Variants in PCED1B observed in about 807,000 individuals in gnomAD.
PCED1B encodes PC-esterase domain containing 1B, also known as PC-esterase domain-containing protein 1B.
For missense variants in PCED1B, 573 were observed against 573.9 expected (o/e 1.00, Z 0.02); for synonymous variants, 251 against 246.1 (o/e 1.02, Z -0.19).
intron 2 of PCED1B, among the ~76,000 whole-genome samples, chr12:47,148,529 CAA>C (rs1271346937): frequency 1.3e-5 from 2 of 152,182 alleles, no homozygotes; most frequent in Non-Finnish European, 2.9e-5. Context: ...ACATAAGCAG[CAA>C]TTCACCACAG....
At chr12:47,128,246 T>G (rs1939977108) in intron 2 of PCED1B, among the ~76,000 whole-genome samples, 1 of 152,216 alleles carries the variant, frequency 6.6e-6, no homozygotes, top group African/African-American at 2.4e-5. Context: ...ACTTTTTTTT[T>G]CAGTTGTAGA....
chr12:47,236,611 C>T lies in PCED1B; in HGVS notation c.*249C>T, dbSNP rs891821147. On this transcript the variant is annotated 3_prime_UTR_variant, in exon 4 of 4. Transcript: ENST00000546455. Reference sequence around the variant, plus strand: ...TTATTCCTGCCTCCTCACTCCTATTCTCTTTGCCTTTGTGTAAAAATAAAA... The same window carrying T: ...TTATTCCTGCCTCCTCACTCCTATTTTCTTTGCCTTTGTGTAAAAATAAAA... 2.3e-6 allele frequency: 1 copy of T among 427,698 alleles called. No individual in the cohort carries two copies. Among genetic ancestry groups the T allele is most frequent in the Non-Finnish European group, 4.2e-6 (1 of 235,356 alleles). The allele number at this position is 427,698 out of a possible 1,614,324, so 26.5% of individuals were successfully genotyped here.
intron 1 of PCED1B, among the ~76,000 whole-genome samples, chr12:47,090,449 T>C (rs1000722759): frequency 2.6e-5 from 4 of 152,158 alleles, no homozygotes; most frequent in African/African-American, 9.7e-5. Flanking sequence ...ATCCTTCTGA[T>C]GGAATGCAAA....
intron 2 of PCED1B, among the ~76,000 whole-genome samples, chr12:47,176,912 C>T (rs969298583): frequency 5.3e-5 from 8 of 151,300 alleles, no homozygotes; most frequent in African/African-American, 1.9e-4. Flanking sequence ...GTTGAGAGTA[C>T]GATAGGAAGA....
chr12:47,213,836 G>A (rs1943167347), intron 2 of PCED1B, among the ~76,000 whole-genome samples: 1 of 152,138 alleles, frequency 6.6e-6, no homozygotes, highest in Non-Finnish European at 1.5e-5. Flanking sequence ...GTTCTTGAAA[G>A]CAAGAAAATC....
chr12:47,193,978 C>G (rs1300423268), intron 2 of PCED1B, among the ~76,000 whole-genome samples: 2 of 152,210 alleles, frequency 1.3e-5, no homozygotes. Context: ...GCCTACCTCC[C>G]TTGGCTTTGA....
At chr12:47,192,026 A>G (rs1942457075) in intron 2 of PCED1B, among the ~76,000 whole-genome samples, 1 of 151,858 alleles carries the variant, frequency 6.6e-6, no homozygotes, top group South Asian at 2.1e-4. Flanking sequence ...CACCAATTTA[A>G]TTTGCCTCCT....
intron 2 of PCED1B, among the ~76,000 whole-genome samples, chr12:47,121,182 T>A (rs1939663018): frequency 6.6e-6 from 1 of 152,114 alleles, no homozygotes. Context: ...TAAAAATGAG[T>A]GAAAAAATCT....
In PCED1B at chr12:47,079,719, G is replaced by A. The variant is rs1325676482; in HGVS notation, c.-615G>A. 6.6e-6 allele frequency: 1 copy of A among 151,772 alleles called. No individual in the cohort carries two copies. Among genetic ancestry groups the A allele is most frequent in the African/African-American group, 2.4e-5 (1 of 41,412 alleles). 9.4% of individuals were successfully genotyped at this position (151,772 alleles called of 1,614,324 possible). A position where few individuals can be genotyped will look rare whatever the true frequency, so the allele number is the denominator to read the frequency against. On this transcript the variant is annotated 5_prime_UTR_variant, in exon 1 of 4. Transcript: ENST00000546455. The stretch of plus-strand genomic sequence containing the variant: ...CTCTCCCGGGTTCCTCTCATTGCAG[G>A]CTGAAGGTACCGCCTCGGCGCTCTG...
intron 3 of PCED1B, among the ~76,000 whole-genome samples, chr12:47,218,223 G>C (rs916407781): frequency 6.6e-6 from 1 of 152,226 alleles, no homozygotes; most frequent in African/African-American, 2.4e-5. Context: ...AAAACCCCTA[G>C]GTCCGTTGTT....
rs192392936 is a variant in PCED1B at position 47,098,584 on chromosome 12, C to G, written c.-608-5529C>G. Among the ~76,000 whole-genome samples the G allele has an allele frequency of 6.0e-3, 914 of 152,190 alleles. 7 individuals carry two copies. Among genetic ancestry groups the G allele is most frequent in the African/African-American group, 0.02 (845 of 41,532 alleles). On this transcript the variant is annotated intron_variant, in intron 1 of 3. Transcript: ENST00000546455. ...TGCAAGCTCCGCCTTCCGGGTTCAC[C>G]CCATTCTCCTGCCTCAGCATCCCGA... is the stretch of plus-strand genomic sequence containing the variant.
At chr12:47,204,977 C>T (rs1050845566) in intron 2 of PCED1B, among the ~76,000 whole-genome samples, 2 of 152,122 alleles carry the variant, frequency 1.3e-5, no homozygotes, top group Admixed American at 6.5e-5. Flanking sequence ...TTCTCCTTGC[C>T]CACTGCCTAG....
chr12:47,159,604 C>T (rs531434518), intron 2 of PCED1B, among the ~76,000 whole-genome samples: 1 of 151,660 alleles, frequency 6.6e-6, no homozygotes, highest in East Asian at 1.9e-4. Context: ...TACTGTTGAG[C>T]TCTCGGTTTT....
At chr12:47,176,900 A>AGT (rs1295598354) in intron 2 of PCED1B, among the ~76,000 whole-genome samples, 2 of 152,240 alleles carry the variant, frequency 1.3e-5, no homozygotes, top group African/African-American at 4.8e-5. Context: ...GAAGCATTGA[A>AGT]TGTTGAGAGT....
At chr12:47,115,736 T>C (rs1592157456) in intron 2 of PCED1B, among the ~76,000 whole-genome samples, 2 of 152,234 alleles carry the variant, frequency 1.3e-5, no homozygotes, top group African/African-American at 4.8e-5. Flanking sequence ...AATGACATGA[T>C]GATGGTCTAT....
At position 47,235,554 on chromosome 12, in the gene PCED1B, C is replaced by T. The variant is rs762253552; in HGVS notation, c.491C>T (p.Thr164Met). 7 of 1,609,662 alleles carry T rather than the reference C, an allele frequency of 4.3e-6. No homozygotes were observed. The South Asian group carries it at 4.4e-5, about 10-fold the overall frequency. Reference protein sequence around the residue: ...LPESCLLVWNTAMPVGEEVTG... With the variant: ...LPESCLLVWNMAMPVGEEVTG... ...GAGTCTTGCCTCCTGGTGTGGAACA[C>T]GGCCATGCCTGTGGGCGAGGAAGTC... Residue 164 changes from threonine to methionine, a missense_variant, in exon 4 of 4, where the codon ACG (threonine) becomes ATG (methionine). Coordinates refer to ENST00000546455, the MANE Select transcript of PCED1B (RefSeq NM_138371.3).
intron 2 of PCED1B, among the ~76,000 whole-genome samples, chr12:47,174,557 A>G (rs964101808): frequency 6.6e-6 from 1 of 152,212 alleles, no homozygotes; most frequent in African/African-American, 2.4e-5. Context: ...GTGCATTGGC[A>G]TACTCTACCC....
intron 2 of PCED1B, among the ~76,000 whole-genome samples, chr12:47,164,773 C>T (rs1175296281): frequency 6.6e-6 from 1 of 152,254 alleles, no homozygotes; most frequent in East Asian, 1.9e-4. Context: ...CGGCATTTTG[C>T]ATGCCTGCAG....
chr12:47,200,310 A>G (rs1241706159), intron 2 of PCED1B, among the ~76,000 whole-genome samples: 1 of 152,256 alleles, frequency 6.6e-6, no homozygotes, highest in Non-Finnish European at 1.5e-5. Flanking sequence ...CACCAAAAGA[A>G]GACATACAGA....
Sources: gnomAD v4.1 joint callset for allele counts (sites outside exome capture counted in the v4.1 genomes callset) on GRCh38, gnomAD v4.1.1 for gene constraint, MANE v1.5 for transcripts, NCBI Gene and HGNC (gene_info 2026-07-23, HGNC 2026-07-21) for gene names.